RFX8: variants seen among roughly 807,000 people sequenced by gnomAD.
The protein encoded by RFX8 is DNA-binding protein RFX8.
In RFX8, 46 loss-of-function variants were observed where a neutral mutation model predicts 54.6. That is an observed-to-expected ratio of 0.84 (90% CI 0.67 to 1.08). The LOEUF (loss-of-function observed/expected upper bound fraction) is 1.08, where lower values mean the gene tolerates loss of function less well. Among genes scored for constraint, RFX8 ranks in the 50% least tolerant of loss-of-function variants. The pLI, the probability that RFX8 is intolerant of heterozygous loss-of-function variation, is 0.00. For synonymous variants in RFX8, 192 were observed against 209.5 expected, an observed-to-expected ratio of 0.92 and a Z score of 0.72; for missense variants, 536 against 562.3, an observed-to-expected ratio of 0.95 and a Z score of 0.47.
chr2:101,468,452 T>A (rs924084431), intron 1 of RFX8, among the ~76,000 whole-genome samples: 2 of 152,138 alleles, frequency 1.3e-5, no homozygotes, highest in Admixed American at 1.3e-4. Flanking sequence ...TTATTGTTTT[T>A]CTTTTTTGCA....
chr2:101,451,251 A>G (rs1688662785), intron 2 of RFX8, among the ~76,000 whole-genome samples: 1 of 152,334 alleles, frequency 6.6e-6, no homozygotes, highest in Non-Finnish European at 1.5e-5. Flanking sequence ...GGTGAGTGGC[A>G]GCCCCCTTTC....
chr2:101,425,044 A>AG (rs1687097726), intron 2 of RFX8, among the ~76,000 whole-genome samples: 1 of 151,320 alleles, frequency 6.6e-6, no homozygotes, highest in Non-Finnish European at 1.5e-5. Context: ...AAACAGAAAA[A>AG]AAAAAGAAGA....
chr2:101,467,746 C>T (rs1247738411), intron 1 of RFX8, among the ~76,000 whole-genome samples: 3 of 152,032 alleles, frequency 2.0e-5, no homozygotes, highest in South Asian at 2.1e-4. Flanking sequence ...GACAGCCAGG[C>T]GCCTATTCCA....
At chr2:101,410,788 G>T in intron 8 of RFX8, 75 bp from the exon 9 acceptor site, 1 of 751,956 alleles carries the variant, frequency 1.3e-6, no homozygotes, top group Non-Finnish European at 2.3e-6. Flanking sequence ...TTTGTGTACT[G>T]GGTAACCTGG....
Position 101,466,729 on chromosome 2 carries a change from CT to C in RFX8, c.72+47del, listed in dbSNP as rs750307187. On this transcript the variant is annotated intron_variant, in intron 2 of 11. Coordinates refer to ENST00000428343, the MANE Select transcript of RFX8 (RefSeq NM_001145664.2). ...ACATTTCCTCCAATAACTTGCTTCCCTTTTTTGCACTCAGTGAATAGAGCGT... is the reference window on the plus strand; with the variant it reads ...ACATTTCCTCCAATAACTTGCTTCCCTTTTTGCACTCAGTGAATAGAGCGT... 11 of 1,339,622 alleles carry C rather than the reference CT, an allele frequency of 8.2e-6. No individual in the cohort carries two copies. In the African/African-American group the frequency reaches 8.7e-5, roughly 11 times the overall value. 83.0% of individuals were successfully genotyped at this position (1,339,622 alleles called of 1,614,324 possible). A position where few individuals can be genotyped will look rare whatever the true frequency, so the allele number is the denominator to read the frequency against.
In RFX8 at chr2:101,469,081, TGTATATATATAA is replaced by T. The variant is rs1488536120; in HGVS notation, c.-52-2193_-52-2182del. On this transcript the variant is annotated intron_variant, in intron 1 of 11. Transcript: ENST00000428343. ...GTATATATATGTATATATATATAAG[TGTATATATATAA>T]GTATATATATATAAGTGTATATATA... Among the ~76,000 whole-genome samples the T allele has an allele frequency of 9.4e-4, 10 of 10,678 alleles. 1 individual carries two copies. The highest frequency in any genetic ancestry group is 4.2e-3 in the South Asian group (1 of 238). 7.0% of individuals were successfully genotyped at this position (10,678 alleles called of 152,430 possible). A position where few individuals can be genotyped will look rare whatever the true frequency, so the allele number is the denominator to read the frequency against.
At chr2:101,448,785 C>T (rs1055337952) in intron 2 of RFX8, among the ~76,000 whole-genome samples, 1 of 152,214 alleles carries the variant, frequency 6.6e-6, no homozygotes, top group African/African-American at 2.4e-5. Flanking sequence ...CAAACTAGAA[C>T]ACCTTTGAGA....
In RFX8 at chr2:101,469,081, T is replaced by TATATATACGTATATATATATAA. The variant is rs1558896774; in HGVS notation, c.-52-2182_-52-2181insTTATATATATATACGTATATAT. On this transcript the variant is annotated intron_variant, in intron 1 of 11. Transcript: ENST00000428343. ...GTATATATATGTATATATATATAAGTGTATATATATAAGTATATATATATA... is the reference window on the plus strand; with the variant it reads ...GTATATATATGTATATATATATAAGTATATATACGTATATATATATAAGTATATATATAAGTATATATATATA... Among the ~76,000 whole-genome samples, 99 of 10,664 alleles carry TATATATACGTATATATATATAA rather than the reference T, an allele frequency of 9.3e-3. 1 individual carries two copies. Among genetic ancestry groups the TATATATACGTATATATATATAA allele is most frequent in the African/African-American group, 0.042 (93 of 2,206 alleles). 7.0% of individuals were successfully genotyped at this position (10,664 alleles called of 152,430 possible).
At position 101,474,547 on chromosome 2, in the gene RFX8, C is replaced by G. The variant is rs375793949; in HGVS notation, c.-53+89G>C. On this transcript the variant is annotated intron_variant, in intron 1 of 11. Coordinates refer to ENST00000428343, the MANE Select transcript of RFX8 (RefSeq NM_001145664.2). ...CCCGCCCTGCATCCTGCGGTGTGGG[C>G]TGGAGCTGCCTCCCGCTCTCACCCA... 2.9e-4 allele frequency: 89 copies of G among 304,414 alleles called. No individual in the cohort carries two copies. In the East Asian group the frequency reaches 3.8e-3, roughly 13 times the overall value. 18.9% of individuals were successfully genotyped at this position (304,414 alleles called of 1,614,324 possible). A position where few individuals can be genotyped will look rare whatever the true frequency, so the allele number is the denominator to read the frequency against.
intron 9 of RFX8, among the ~76,000 whole-genome samples, chr2:101,409,995 C>T (rs998842607): frequency 1.1e-4 from 17 of 152,156 alleles, no homozygotes; most frequent in South Asian, 8.3e-4. Context: ...CTGCCCATAT[C>T]GACAACGAAA....
chr2:101,435,766 G>A (rs1342998844), intron 2 of RFX8, among the ~76,000 whole-genome samples: 2 of 152,142 alleles, frequency 1.3e-5, no homozygotes, highest in Admixed American at 6.5e-5. Flanking sequence ...GAGGGGGAAT[G>A]TGCTGGACTT....
chr2:101,433,090 G>A (rs1348216729), intron 2 of RFX8, among the ~76,000 whole-genome samples: 1 of 152,164 alleles, frequency 6.6e-6, no homozygotes, highest in Non-Finnish European at 1.5e-5. Context: ...GAGGAGGGCT[G>A]AGAATTCCCG....
intron 4 of RFX8, among the ~76,000 whole-genome samples, chr2:101,419,523 G>T (rs775899988): frequency 1.3e-5 from 2 of 152,198 alleles, no homozygotes; most frequent in Non-Finnish European, 2.9e-5. Flanking sequence ...CCTCTTTTCT[G>T]TTTTTTCCCA....
intron 8 of RFX8, among the ~76,000 whole-genome samples, chr2:101,412,166 G>C (rs969425130): frequency 6.6e-6 from 1 of 152,162 alleles, no homozygotes; most frequent in African/African-American, 2.4e-5. Flanking sequence ...AGGGGAGCCT[G>C]GCACCCTCCC....
chr2:101,404,546 T>A (rs1685620621), intron 10 of RFX8, among the ~76,000 whole-genome samples: 1 of 151,752 alleles, frequency 6.6e-6, no homozygotes, highest in Non-Finnish European at 1.5e-5. Context: ...TCCTCCCACC[T>A]CAGCCTCCCA....
chr2:101,425,963 T>G (rs1027175023), intron 2 of RFX8, among the ~76,000 whole-genome samples: 8 of 152,148 alleles, frequency 5.3e-5, no homozygotes, highest in Non-Finnish European at 1.2e-4. Context: ...AAATGAGACC[T>G]AGGCTTTGAT....
chr2:101,445,589 A>C (rs1017198896), intron 2 of RFX8, among the ~76,000 whole-genome samples: 1 of 150,870 alleles, frequency 6.6e-6, no homozygotes, highest in Non-Finnish European at 1.5e-5. Flanking sequence ...TAAATATAAA[A>C]TTTTTAATTT....
At chr2:101,400,982 C>T (rs956787794) in intron 11 of RFX8, among the ~76,000 whole-genome samples, 2 of 152,314 alleles carry the variant, frequency 1.3e-5, no homozygotes, top group Admixed American at 1.3e-4. Flanking sequence ...TTCCTGAAAG[C>T]GCCTTAGCTG....
At chr2:101,423,377 T>C (rs1051393381) in intron 2 of RFX8, among the ~76,000 whole-genome samples, 9 of 152,006 alleles carry the variant, frequency 5.9e-5, no homozygotes, top group African/African-American at 2.2e-4. Context: ...TGCTGTCCCC[T>C]CTGGGCATGG....
Sources: gnomAD v4.1 joint callset for allele counts (sites outside exome capture counted in the v4.1 genomes callset) on GRCh38, gnomAD v4.1.1 for gene constraint, MANE v1.5 for transcripts, NCBI Gene and HGNC (gene_info 2026-07-23, HGNC 2026-07-21) for gene names.